Variants in GALNT18 observed in about 807,000 individuals in gnomAD.
GALNT18 encodes GalNAc-transferase 18.
Under a neutral mutation model 69.5 loss-of-function variants are expected in GALNT18, and 44 were observed. The observed-to-expected ratio is 0.63, with a 90% confidence interval of 0.50 to 0.81. GALNT18 has a LOEUF of 0.81. Ranked by LOEUF, GALNT18 falls within the 40% of genes least tolerant of loss-of-function variation. The pLI, the probability that GALNT18 is intolerant of heterozygous loss-of-function variation, is 0.00. For synonymous variants in GALNT18, 364 were observed against 318.2 expected (o/e 1.14, Z -1.53); for missense variants, 715 against 810.0 (o/e 0.88, Z 1.42).
At chr11:11,391,708 C>G (rs146765347) in intron 3 of GALNT18, among the ~76,000 whole-genome samples, 1 of 152,202 alleles carries the variant, frequency 6.6e-6, no homozygotes, top group African/African-American at 2.4e-5. Context: ...ATTTATATAT[C>G]GATTCCAGCA....
chr11:11,434,896 G>A (rs1855363042), intron 2 of GALNT18, among the ~76,000 whole-genome samples: 3 of 152,176 alleles, frequency 2.0e-5, no homozygotes. Flanking sequence ...AAGTCCTCTA[G>A]CTAGTATTTA....
chr11:11,279,263 TTTTCTTTAA>T (rs71037020), intron 10 of GALNT18, among the ~76,000 whole-genome samples: 8 of 151,718 alleles, frequency 5.3e-5, no homozygotes, highest in Non-Finnish European at 1.2e-4. Flanking sequence ...ATTATACCTC[TTTTCTTTAA>T]TTTCTTTGTA....
intron 1 of GALNT18, among the ~76,000 whole-genome samples, chr11:11,558,438 T>C (rs12798347): frequency 0.63 from 95,151 of 152,204 alleles, 29,953 homozygotes; most frequent in South Asian, 0.72. Context: ...TTCACATTTG[T>C]GCAAGGTATC....
chr11:11,419,273 C>A (rs943790500), intron 3 of GALNT18, among the ~76,000 whole-genome samples: 3 of 152,088 alleles, frequency 2.0e-5, no homozygotes, highest in African/African-American at 7.2e-5. Context: ...TTGTTTTGTG[C>A]TTTTTTTCTG....
At position 11,508,154 on chromosome 11, in the gene GALNT18, T is replaced by A. The variant is rs147482153; in HGVS notation, c.236-59218A>T. 2.4e-3 allele frequency among the ~76,000 whole-genome samples: 372 copies of A among 152,362 alleles called. 2 individuals are homozygous for A. Among genetic ancestry groups the A allele is most frequent in the African/African-American group, 8.5e-3 (352 of 41,588 alleles). On this transcript the variant is annotated intron_variant, in intron 1 of 10. Transcript: ENST00000227756. ...TCTTTGTTCATTTTCTGATTCATAA[T>A]CCAATCTGAGCTCAAGCATTGCATT...
intron 10 of GALNT18, among the ~76,000 whole-genome samples, chr11:11,287,531 T>C (rs1320083971): frequency 1.3e-5 from 2 of 152,140 alleles, no homozygotes; most frequent in East Asian, 1.9e-4. Flanking sequence ...CCAGGGGTCA[T>C]TGACCAAATG....
intron 5 of GALNT18, among the ~76,000 whole-genome samples, chr11:11,373,087 T>G (rs967543988): frequency 3.3e-5 from 5 of 152,138 alleles, no homozygotes; most frequent in African/African-American, 1.2e-4. Flanking sequence ...GGGTTTTGGG[T>G]AGCAGGGTAA....
Position 11,511,868 on chromosome 11 carries a change from C to T in GALNT18, c.236-62932G>A, listed in dbSNP as rs2133914620. On this transcript the variant is annotated intron_variant, in intron 1 of 10. Coordinates refer to ENST00000227756, the MANE Select transcript of GALNT18 (RefSeq NM_198516.3). This position sits in a 1 kb window ranked among gnomAD's most constrained non-coding sequence, Gnocchi z 4.9. Reference sequence around the variant, plus strand: ...GGTACCCTGATCTGGGACTTTCAGCCCCCAGAACTATGAAAAATCAATTTC... The same window carrying T: ...GGTACCCTGATCTGGGACTTTCAGCTCCCAGAACTATGAAAAATCAATTTC... 6.6e-6 allele frequency among the ~76,000 whole-genome samples: 1 copy of T among 152,230 alleles called. No individual in the cohort carries two copies. The highest frequency in any genetic ancestry group is 2.4e-5 in the African/African-American group (1 of 41,528).
rs1000421261 is a variant in GALNT18 at position 11,618,683 on chromosome 11, A to G, written c.235+2676T>C. Among the ~76,000 whole-genome samples, 1 of 152,200 alleles carries G rather than the reference A, an allele frequency of 6.6e-6. No homozygotes were observed. The highest frequency in any genetic ancestry group is 1.5e-5 in the Non-Finnish European group (1 of 68,030). On this transcript the variant is annotated intron_variant, in intron 1 of 10. Coordinates refer to ENST00000227756, the MANE Select transcript of GALNT18 (RefSeq NM_198516.3). The surrounding 1 kb of genome is among the most constrained non-coding windows in gnomAD (Gnocchi z 6.1). ...CAGTGTGTGACCCTGGACAAATCAT[A>G]TACCCTCTCCCTGCCTCAGTTTCCA...
At chr11:11,350,107 AT>A (rs1850372599) in intron 6 of GALNT18, among the ~76,000 whole-genome samples, 1 of 152,234 alleles carries the variant, frequency 6.6e-6, no homozygotes, top group Admixed American at 6.5e-5. Flanking sequence ...CTGGGCTGGA[AT>A]GTCTGGAAGC....
chr11:11,565,051 G>C (rs1356221678), intron 1 of GALNT18, among the ~76,000 whole-genome samples: 2 of 152,182 alleles, frequency 1.3e-5, no homozygotes, highest in African/African-American at 4.8e-5. Context: ...AGGGAAATTA[G>C]TGAACACTGC....
intron 1 of GALNT18, among the ~76,000 whole-genome samples, chr11:11,487,926 A>C (rs1856677845): frequency 6.6e-6 from 1 of 152,200 alleles, no homozygotes. Flanking sequence ...CACAGTGAAT[A>C]AGGTGATGAA....
intron 1 of GALNT18, among the ~76,000 whole-genome samples, chr11:11,453,675 G>C (rs1186136210): frequency 6.6e-6 from 1 of 152,118 alleles, no homozygotes; most frequent in Non-Finnish European, 1.5e-5. Flanking sequence ...CTGTTCTCAC[G>C]ATAGTGAATA....
intron 1 of GALNT18, among the ~76,000 whole-genome samples, chr11:11,526,283 A>C (rs1391210514): frequency 1.3e-5 from 2 of 152,172 alleles, no homozygotes; most frequent in Non-Finnish European, 2.9e-5. Flanking sequence ...GCCATGGATC[A>C]AACATTTCTG....
intron 1 of GALNT18, among the ~76,000 whole-genome samples, chr11:11,576,721 G>T (rs944454178): frequency 3.9e-5 from 6 of 152,228 alleles, no homozygotes; most frequent in Admixed American, 2.6e-4. Context: ...GTTAGTGCAT[G>T]GCACTAATGA....
rs895273098 is a variant in GALNT18, at chr11:11,595,701, T to C, written c.235+25658A>G. Reference sequence around the variant, plus strand: ...ATATCTTCTTCAGAGAATTTGTCTATTGAGATGTTTTGCCTATTTTTTAAT... The same window carrying C: ...ATATCTTCTTCAGAGAATTTGTCTACTGAGATGTTTTGCCTATTTTTTAAT... On this transcript the variant is annotated intron_variant, in intron 1 of 10. Coordinates refer to ENST00000227756, the MANE Select transcript of GALNT18 (RefSeq NM_198516.3). The surrounding 1 kb of genome is among the most constrained non-coding windows in gnomAD (Gnocchi z 5.2). Among the ~76,000 whole-genome samples, 1 of 152,244 alleles carries C rather than the reference T, an allele frequency of 6.6e-6. No individual in the cohort carries two copies. The highest frequency in any genetic ancestry group is 1.5e-5 in the Non-Finnish European group (1 of 68,038).
At chr11:11,548,934 A>C (rs987654359) in intron 1 of GALNT18, among the ~76,000 whole-genome samples, 1 of 152,248 alleles carries the variant, frequency 6.6e-6, no homozygotes, top group Non-Finnish European at 1.5e-5. Context: ...CTGTTGTGGC[A>C]GAGGCTACTA....
chr11:11,572,907 A>C (rs1014510965), intron 1 of GALNT18, among the ~76,000 whole-genome samples: 3 of 152,162 alleles, frequency 2.0e-5, no homozygotes, highest in Non-Finnish European at 2.9e-5. Context: ...TGGCCCCTTA[A>C]ATTTGTACAT....
At chr11:11,327,273 C>T in intron 8 of GALNT18, 92 bp from the exon 9 acceptor site, 1 of 963,066 alleles carries the variant, frequency 1.0e-6, no homozygotes, top group Non-Finnish European at 1.6e-6. Flanking sequence ...TCTGCTGAGA[C>T]AGATTTCATG....
Sources: gnomAD v4.1 joint callset for allele counts (sites outside exome capture counted in the v4.1 genomes callset) on GRCh38, gnomAD v4.1.1 for gene constraint, Gnocchi (gnomAD v3.1) non-coding constraint, MANE v1.5 for transcripts, NCBI Gene and HGNC (gene_info 2026-07-23, HGNC 2026-07-21) for gene names.